UNC13C: variants seen among roughly 807,000 people sequenced by gnomAD.
The protein encoded by UNC13C is unc-13 homolog C.
In UNC13C, 174 loss-of-function variants were observed where a neutral mutation model predicts 245.4. The ratio of observed to expected loss-of-function variants is 0.71; its 90% CI spans 0.63 to 0.80. The LOEUF (loss-of-function observed/expected upper bound fraction) is 0.80. Among genes scored for constraint, UNC13C ranks in the 30% least tolerant of loss-of-function variants. The pLI is 0.00. For synonymous variants in UNC13C, 992 were observed against 895.1 expected, an observed-to-expected ratio of 1.11 and a Z score of -1.93; for missense variants, 2,829 against 2,602.9, an observed-to-expected ratio of 1.09 and a Z score of -1.89.
chr15:54,552,793 ATATAT>A (rs1251335111), intron 28 of UNC13C, among the ~76,000 whole-genome samples: 1 of 52,814 alleles, frequency 1.9e-5, no homozygotes, highest in Non-Finnish European at 3.4e-5. Flanking sequence ...ATAATATATA[ATATAT>A]TATATAGTAC....
rs974782837 is a variant in UNC13C, at chr15:54,068,167, C to T, written c.2983+52281C>T. 5.9e-5 allele frequency among the ~76,000 whole-genome samples: 9 copies of T among 152,124 alleles called. No individual in the cohort carries two copies. The South Asian group carries it at 8.3e-4, about 14-fold the overall frequency. ...CCCAAAGTTTTGAATGTAGCAGCAA[C>T]GTAACCTGAACAATTCTATAGCCAC... On this transcript the variant is annotated intron_variant, in intron 2 of 32. Coordinates refer to ENST00000260323, the MANE Select transcript of UNC13C (RefSeq NM_001080534.3).
intron 30 of UNC13C, among the ~76,000 whole-genome samples, chr15:54,589,483 G>A (rs1453057503): frequency 6.6e-6 from 1 of 151,470 alleles, no homozygotes; most frequent in Non-Finnish European, 1.5e-5. Flanking sequence ...ATTTTTAGTA[G>A]AGACAGGATT....
chr15:53,950,170 G>A, the UNC13C span, among the ~76,000 whole-genome samples: 3 of 152,162 alleles, frequency 2.0e-5, no homozygotes, highest in African/African-American at 7.2e-5. Context: ...AAAATGCAAA[G>A]AGGGGGCTTG....
rs1162107550 is a variant in UNC13C, at chr15:54,494,619, C to A, written c.4945C>A (p.Gln1649Lys). The change falls in exon 20 of 33, where the codon CAG becomes AAG. Residue 1649 changes from glutamine (Q) to lysine (K), a missense_variant. Transcript: ENST00000260323. ...MKYALEEHENQRLCKSTDYMN... is the reference protein window; with the variant it reads ...MKYALEEHENKRLCKSTDYMN... ...TTTATCTGTTATAGAACATGAAAAT[C>A]AGCGGTTATGCAAGAGCACCGATTA... 1.2e-6 allele frequency: 2 copies of A among 1,606,818 alleles called. No homozygotes were observed. Among genetic ancestry groups the A allele is most frequent in the East Asian group, 4.5e-5 (2 of 44,620 alleles).
At chr15:53,877,059 G>A in the UNC13C span, among the ~76,000 whole-genome samples, 1 of 152,164 alleles carries the variant, frequency 6.6e-6, no homozygotes, top group African/African-American at 2.4e-5. Context: ...ACTTTAGTAG[G>A]TAAGTTGGGT....
chr15:54,529,558 T>C (rs989053112), intron 25 of UNC13C, among the ~76,000 whole-genome samples: 5 of 152,196 alleles, frequency 3.3e-5, no homozygotes, highest in Admixed American at 2.6e-4. Flanking sequence ...GATTGGCACA[T>C]AATAGTTTAG....
At chr15:54,420,846 T>G (rs960071410) in intron 19 of UNC13C, among the ~76,000 whole-genome samples, 6 of 152,006 alleles carry the variant, frequency 3.9e-5, no homozygotes, top group Non-Finnish European at 8.8e-5. Context: ...CAAGCTCCTC[T>G]GGGAAGGGAA....
chr15:53,868,078 T>C, the UNC13C span, among the ~76,000 whole-genome samples: 1 of 152,186 alleles, frequency 6.6e-6, no homozygotes, highest in Non-Finnish European at 1.5e-5. Flanking sequence ...CAAGCGATCT[T>C]TCTGCCTTGG....
intron 4 of UNC13C, among the ~76,000 whole-genome samples, chr15:54,184,628 T>G (rs1020647221): frequency 2.6e-5 from 4 of 152,214 alleles, no homozygotes; most frequent in African/African-American, 9.6e-5. Flanking sequence ...TAGTATTCCA[T>G]GGTGTATATG....
upstream of UNC13C, among the ~76,000 whole-genome samples, chr15:53,977,269 ACAT>A (rs1893740172): frequency 6.6e-6 from 1 of 152,204 alleles, no homozygotes; most frequent in Non-Finnish European, 1.5e-5. Flanking sequence ...ACTTTTTTAA[ACAT>A]CATGGAGAGG....
At position 54,080,006 on chromosome 15, in the gene UNC13C, G is replaced by GTTTTT. The variant is rs3985784; in HGVS notation, c.2984-63001_2984-62997dup. Among the ~76,000 whole-genome samples, 76 of 129,918 alleles carry GTTTTT rather than the reference G, an allele frequency of 5.8e-4. 7 individuals are homozygous for GTTTTT. Among genetic ancestry groups the GTTTTT allele is most frequent in the Middle Eastern group, 4.0e-3 (1 of 248 alleles). The allele number at this position is 129,918 out of a possible 152,430, so 85.2% of individuals were successfully genotyped here. Reference sequence around the variant, plus strand: ...CCTTCAAGGCCTGGTTTGTCGAGCGGTTTTTTTTTTTTTTTATCATAAAGT... The same window carrying GTTTTT: ...CCTTCAAGGCCTGGTTTGTCGAGCGGTTTTTTTTTTTTTTTTTTTTATCATAAAGT... On this transcript the variant is annotated intron_variant, in intron 2 of 32. Coordinates refer to ENST00000260323, the MANE Select transcript of UNC13C (RefSeq NM_001080534.3).
chr15:54,572,791 T>A (rs1381462382), intron 30 of UNC13C, among the ~76,000 whole-genome samples: 2 of 152,194 alleles, frequency 1.3e-5, no homozygotes, highest in African/African-American at 4.8e-5. Flanking sequence ...ATTGAATCAT[T>A]ATTTAAGTGT....
chr15:54,187,641 C>T (rs1595972424), intron 4 of UNC13C, among the ~76,000 whole-genome samples: 1 of 152,108 alleles, frequency 6.6e-6, no homozygotes, highest in African/African-American at 2.4e-5. Context: ...AAAAGCCTTT[C>T]CTGACCTCGG....
At chr15:54,467,298 G>A (rs960735849) in intron 19 of UNC13C, among the ~76,000 whole-genome samples, 1 of 151,622 alleles carries the variant, frequency 6.6e-6, no homozygotes, top group Non-Finnish European at 1.5e-5. Flanking sequence ...GATAATGATG[G>A]CTATTTAAAT....
At chr15:54,033,428 C>G (rs567351609) in intron 2 of UNC13C, among the ~76,000 whole-genome samples, 2 of 152,008 alleles carry the variant, frequency 1.3e-5, no homozygotes, top group Non-Finnish European at 2.9e-5. Context: ...AACTTATTGA[C>G]TTATCTTATT....
At chr15:54,062,300 A>C (rs1897878089) in intron 2 of UNC13C, among the ~76,000 whole-genome samples, 1 of 150,454 alleles carries the variant, frequency 6.6e-6, no homozygotes, top group Non-Finnish European at 1.5e-5. Flanking sequence ...TCCAGCCTGG[A>C]TAACAAGAGT....
intron 1 of UNC13C, among the ~76,000 whole-genome samples, chr15:53,989,694 A>G (rs929485355): frequency 6.6e-6 from 1 of 152,032 alleles, no homozygotes; most frequent in Non-Finnish European, 1.5e-5. Context: ...AAATTGTGCT[A>G]AATGCCTTTG....
intron 2 of UNC13C, among the ~76,000 whole-genome samples, chr15:54,131,417 A>G (rs2031407842): frequency 6.6e-6 from 1 of 152,168 alleles, no homozygotes; most frequent in South Asian, 2.1e-4. Flanking sequence ...TTTACTTTCC[A>G]TGGTTTCAGT....
chr15:53,845,490 C>A, the UNC13C span, among the ~76,000 whole-genome samples: 6 of 152,126 alleles, frequency 3.9e-5, no homozygotes, highest in African/African-American at 1.4e-4. Flanking sequence ...CAGCCTTCAA[C>A]ACAATGTCCT....
Sources: gnomAD v4.1 joint callset for allele counts (sites outside exome capture counted in the v4.1 genomes callset) on GRCh38, gnomAD v4.1.1 for gene constraint, MANE v1.5 for transcripts, NCBI Gene and HGNC (gene_info 2026-07-23, HGNC 2026-07-21) for gene names.